The following RAPGEF4 variants were observed in gnomAD, a reference collection of about 807,000 sequenced individuals.
RAPGEF4 encodes the protein Rap guanine nucleotide exchange factor 4.
RAPGEF4 carries 66 observed loss-of-function variants against 147.9 expected under a neutral mutation model. The ratio of observed to expected loss-of-function variants is 0.45; its 90% CI spans 0.37 to 0.55. RAPGEF4 has a LOEUF of 0.55. RAPGEF4 is among the 20% of genes least tolerant of loss of function. The pLI is 0.00. For synonymous variants in RAPGEF4, 419 were observed against 442.7 expected (o/e 0.95, Z 0.67); for missense variants, 1,071 against 1,257.3 (o/e 0.85, Z 2.24).
At chr2:172,899,387 A>C (rs1698837501) in intron 4 of RAPGEF4, among the ~76,000 whole-genome samples, 1 of 152,238 alleles carries the variant, frequency 6.6e-6, no homozygotes, top group Non-Finnish European at 1.5e-5. Context: ...TTTGCAGCAG[A>C]AATCTGTTTT....
chr2:172,874,286 A>G (rs1264664589), intron 4 of RAPGEF4, among the ~76,000 whole-genome samples: 1 of 152,122 alleles, frequency 6.6e-6, no homozygotes, highest in African/African-American at 2.4e-5. Context: ...TCTAGGATAC[A>G]TGTGCACAAT....
chr2:172,889,690 C>A, intron 4 of RAPGEF4: 1 of 199,238 alleles, frequency 5.0e-6, no homozygotes, highest in Non-Finnish European at 9.0e-6. Flanking sequence ...AATACAGACA[C>A]ACACACACAC....
chr2:172,946,766 C>T (rs780814746), intron 6 of RAPGEF4, among the ~76,000 whole-genome samples: 5 of 152,322 alleles, frequency 3.3e-5, no homozygotes, highest in Admixed American at 6.5e-5. Context: ...ATATGTAAAA[C>T]GGTTCCACCG....
At chr2:172,790,346 T>A (rs541136155) in intron 1 of RAPGEF4, among the ~76,000 whole-genome samples, 1 of 152,354 alleles carries the variant, frequency 6.6e-6, no homozygotes, top group South Asian at 2.1e-4. Context: ...ATTCTTTTGT[T>A]GTTGTTTGAA....
intron 17 of RAPGEF4, among the ~76,000 whole-genome samples, chr2:173,001,681 G>A (rs747282718): frequency 2.0e-5 from 3 of 152,086 alleles, no homozygotes; most frequent in South Asian, 4.1e-4. Context: ...AGGAAGTATC[G>A]TGCCAGCCTC....
At chr2:172,971,461 T>A (rs188137919) in intron 10 of RAPGEF4, among the ~76,000 whole-genome samples, 80 of 152,300 alleles carry the variant, frequency 5.3e-4, no homozygotes, top group African/African-American at 1.8e-3. Context: ...GAGAGAAATA[T>A]ATGTATATAT....
intron 27 of RAPGEF4, among the ~76,000 whole-genome samples, chr2:173,034,513 C>A (rs1478686443): frequency 6.6e-6 from 1 of 152,114 alleles, no homozygotes; most frequent in Non-Finnish European, 1.5e-5. Flanking sequence ...GTATGCAAAT[C>A]TCTTTTTCAA....
chr2:172,923,636 C>T (rs557898741), intron 6 of RAPGEF4, among the ~76,000 whole-genome samples: 1 of 152,324 alleles, frequency 6.6e-6, no homozygotes, highest in South Asian at 2.1e-4. Flanking sequence ...CTTGGTCTGG[C>T]AAAGGTTTCA....
At chr2:172,744,618 G>A (rs933077753) in intron 1 of RAPGEF4, among the ~76,000 whole-genome samples, 4 of 152,312 alleles carry the variant, frequency 2.6e-5, no homozygotes, top group Admixed American at 6.5e-5. Flanking sequence ...AGACAATCTT[G>A]AATGTGAATA....
chr2:172,786,204 C>A (rs1333774572), intron 1 of RAPGEF4, among the ~76,000 whole-genome samples: 1 of 152,116 alleles, frequency 6.6e-6, no homozygotes, highest in African/African-American at 2.4e-5. Flanking sequence ...GAATCCAGAA[C>A]CTTTGCTATT....
chr2:173,000,476 A>G (rs896950664), intron 16 of RAPGEF4, among the ~76,000 whole-genome samples: 7 of 152,182 alleles, frequency 4.6e-5, no homozygotes, highest in Non-Finnish European at 1.0e-4. Context: ...TGAGGTTTTT[A>G]GGTTTGCCTT....
chr2:172,947,586 T>C (rs1388050354), intron 6 of RAPGEF4, among the ~76,000 whole-genome samples: 1 of 152,212 alleles, frequency 6.6e-6, no homozygotes, highest in Admixed American at 6.5e-5. Context: ...ATTCTCTTTT[T>C]TCCTTCGAGT....
At chr2:172,922,374 A>G in intron 6 of RAPGEF4, 74 bp downstream of exon 6, 1 of 1,383,366 alleles carries the variant, frequency 7.2e-7, no homozygotes, top group Non-Finnish European at 1.0e-6. Context: ...AACCCTACCA[A>G]CAAAGAGAGC....
chr2:173,020,701 C>A lies in RAPGEF4; in HGVS notation c.2239C>A (p.Gln747Lys). 1 of 1,613,300 alleles carries A rather than the reference C, an allele frequency of 6.2e-7. No homozygotes were observed. The highest frequency in any genetic ancestry group is 8.5e-7 in the Non-Finnish European group (1 of 1,179,456). Reference protein sequence around the residue: ...NGRLFACPREQFDSLTPLPEQ... With the variant: ...NGRLFACPREKFDSLTPLPEQ... ...ACGCCTGTTTGCTTGCCCGCGAGAG[C>A]AATTCGATTCACTGGTAGGTGTGGA... Residue 747 changes from glutamine to lysine, a missense_variant, in exon 23 of 31, where the codon CAA (glutamine) becomes AAA (lysine). Coordinates refer to ENST00000397081, the MANE Select transcript of RAPGEF4 (RefSeq NM_007023.4).
chr2:172,880,071 G>A (rs1433300209), intron 4 of RAPGEF4, among the ~76,000 whole-genome samples: 1 of 152,172 alleles, frequency 6.6e-6, no homozygotes, highest in Non-Finnish European at 1.5e-5. Flanking sequence ...ACAGCTAGCT[G>A]AGACAGCGAC....
chr2:172,812,726 G>A (rs1460854308), intron 3 of RAPGEF4, among the ~76,000 whole-genome samples: 1 of 152,164 alleles, frequency 6.6e-6, no homozygotes, highest in African/African-American at 2.4e-5. Context: ...GTCCATTTCA[G>A]GTTTTTAAGA....
At chr2:172,804,348 C>T (rs1193788723) in intron 3 of RAPGEF4, among the ~76,000 whole-genome samples, 1 of 152,108 alleles carries the variant, frequency 6.6e-6, no homozygotes, top group African/African-American at 2.4e-5. Flanking sequence ...CTAGCAAATT[C>T]TTCCTGAATT....
chr2:172,956,326 A>T (rs954212202), intron 6 of RAPGEF4, among the ~76,000 whole-genome samples: 1 of 152,168 alleles, frequency 6.6e-6, no homozygotes, highest in African/African-American at 2.4e-5. Context: ...TTCCCGCATT[A>T]AATTCCCTTG....
intron 4 of RAPGEF4, among the ~76,000 whole-genome samples, chr2:172,857,178 A>G (rs141002228): frequency 0.26 from 27,290 of 103,900 alleles, 3,006 homozygotes; most frequent in Middle Eastern, 0.39. Context: ...GCGCGCGCAC[A>G]CACACACACA....
Sources: gnomAD v4.1 joint callset for allele counts (sites outside exome capture counted in the v4.1 genomes callset) on GRCh38, gnomAD v4.1.1 for gene constraint, MANE v1.5 for transcripts, NCBI Gene and HGNC (gene_info 2026-07-23, HGNC 2026-07-21) for gene names.